The following ITGB4 variants were observed in gnomAD, a reference collection of about 807,000 sequenced individuals.
ITGB4 encodes the protein integrin beta-4.
Under a neutral mutation model 207.6 loss-of-function variants are expected in ITGB4, and 159 were observed. That is an observed-to-expected ratio of 0.77 (90% CI 0.67 to 0.87). The LOEUF is 0.87. Among genes scored for constraint, ITGB4 ranks in the 40% least tolerant of loss-of-function variants. ITGB4 has a pLI of 0.00. For synonymous variants in ITGB4, 1,020 were observed against 1,062.7 expected (o/e 0.96, Z 0.78); for missense variants, 2,278 against 2,546.8 (o/e 0.89, Z 2.27).
At position 75,750,673 on chromosome 17, in the gene ITGB4, G is replaced by A. The variant is rs1229820428; in HGVS notation, c.3475-7G>A. On this transcript the variant is annotated splice_polypyrimidine_tract_variant and splice_region_variant and intron_variant, in intron 28 of 39. Coordinates refer to ENST00000200181, the MANE Select transcript of ITGB4 (RefSeq NM_000213.5). This position sits in a 1 kb window ranked among gnomAD's most constrained non-coding sequence, Gnocchi z 5.5. ...CTGCTGACCAGGACCCCTGTCCCTG[G>A]GGGTAGGTAAAGTACTGGATTCAGG... 2 of 1,612,652 alleles carry A rather than the reference G, an allele frequency of 1.2e-6. No homozygotes were observed. The highest frequency in any genetic ancestry group is 1.7e-6 in the Non-Finnish European group (2 of 1,179,892).
intron 13 of ITGB4, among the ~76,000 whole-genome samples, chr17:75,734,835 A>G (rs964245528): frequency 6.6e-6 from 1 of 152,204 alleles, no homozygotes; most frequent in African/African-American, 2.4e-5. Flanking sequence ...GAAGGGAGGA[A>G]GGTGCCTCTG....
chr17:75,755,975 C>G, intron 35 of ITGB4, 125 bp downstream of exon 35: 6 of 1,212,348 alleles, frequency 4.9e-6, no homozygotes, highest in Non-Finnish European at 5.8e-6. Flanking sequence ...AAGCCCCCAT[C>G]CAGCCTGAGA....
chr17:75,727,450 C>A lies in ITGB4; in HGVS notation c.209C>A (p.Ala70Glu), dbSNP rs747831589. 6.2e-7 allele frequency: 1 copy of A among 1,613,966 alleles called. No individual in the cohort carries two copies. Among genetic ancestry groups the A allele is most frequent in the Admixed American group, 1.7e-5 (1 of 60,024 alleles). Residue 70 changes from alanine (A) to glutamate (E), a missense_variant, in exon 4 of 40, where the codon GCG (alanine) becomes GAG (glutamate). Ala to Glu is a moderately radical substitution (Grantham distance 107). Coordinates refer to ENST00000200181, the MANE Select transcript of ITGB4 (RefSeq NM_000213.5). The surrounding 1 kb of genome is among the most constrained non-coding windows in gnomAD (Gnocchi z 6.0). ...RCNTQAELLA[A>E]GCQRESIVVM... ...AACACCCAGGCGGAGCTGCTGGCCG[C>A]GGGCTGCCAGCGGGAGAGCATCGTG...
intron 2 of ITGB4, among the ~76,000 whole-genome samples, chr17:75,726,502 C>T (rs987893679): frequency 7.2e-5 from 11 of 151,990 alleles, no homozygotes; most frequent in Admixed American, 2.0e-4. Context: ...GAGGCTGAGG[C>T]GGGCAGATGA....
intron 34 of ITGB4, 111 bp downstream of exon 34, chr17:75,754,926 A>ACACGCATG: frequency 6.5e-7 from 1 of 1,544,506 alleles, no homozygotes; most frequent in Non-Finnish European, 8.9e-7. Flanking sequence ...CAACATACAC[A>ACACGCATG]CACGCATGCA....
Position 75,736,268 on chromosome 17 carries a change from G to T in ITGB4, c.1762-20G>T, listed in dbSNP as rs766431191. The T allele has an allele frequency of 2.5e-6, 4 of 1,608,408 alleles. No homozygotes were observed. The African/African-American group carries it at 5.3e-5, about 21-fold the overall frequency. On this transcript the variant is annotated intron_variant, in intron 14 of 39. Transcript: ENST00000200181. Reference sequence around the variant, plus strand: ...AGGGATGGGGCACAGCTGGCTCACTGGTGCCCCCTCCTACCCCAGGGCATC... The same window carrying T: ...AGGGATGGGGCACAGCTGGCTCACTTGTGCCCCCTCCTACCCCAGGGCATC...
chr17:75,752,492 G>A lies in ITGB4; in HGVS notation c.4023G>A (p.Glu1341=), dbSNP rs745840219. Residue 1341 remains glutamate, a synonymous_variant, in exon 32 of 40, where the codon GAG becomes GAA. Coordinates refer to ENST00000200181, the MANE Select transcript of ITGB4 (RefSeq NM_000213.5). ...CTATCGTGGACGCCCAGAGCGGGGA[G>A]GACTACGACAGCTTCCTTATGTACA... is the stretch of plus-strand genomic sequence containing the variant. ...DIPIVDAQSG[E]DYDSFLMYSD... is the part of the protein sequence containing the mutation. 6.2e-6 allele frequency: 10 copies of A among 1,613,584 alleles called. No homozygotes were observed. Among genetic ancestry groups the A allele is most frequent in the Non-Finnish European group, 5.9e-6 (7 of 1,180,036 alleles).
chr17:75,756,376 C>T, intron 35 of ITGB4, 53 bp from the exon 36 acceptor site: 8 of 1,595,344 alleles, frequency 5.0e-6, no homozygotes, highest in Non-Finnish European at 6.9e-6. Flanking sequence ...GAGGATCAGG[C>T]CAGGGGTGGG....
At position 75,731,150 on chromosome 17, in the gene ITGB4, T is replaced by A; in HGVS notation, c.1093-96T>A. Reference sequence around the variant, plus strand: ...GGGCCTGGCCCTGGCTCCTGCAGGCTCTGTGATACCCCGCATGATGCCAGC... The same window carrying A: ...GGGCCTGGCCCTGGCTCCTGCAGGCACTGTGATACCCCGCATGATGCCAGC... On this transcript the variant is annotated intron_variant, in intron 9 of 39. Coordinates refer to ENST00000200181, the MANE Select transcript of ITGB4 (RefSeq NM_000213.5). This position sits in a 1 kb window ranked among gnomAD's most constrained non-coding sequence, Gnocchi z 6.8. 6.3e-7 allele frequency: 1 copy of A among 1,598,592 alleles called. No homozygotes were observed. Among genetic ancestry groups the A allele is most frequent in the South Asian group, 1.1e-5 (1 of 89,436 alleles).
chr17:75,724,764 A>G lies in ITGB4; in HGVS notation c.61A>G (p.Ser21Gly). ...GCTCCTGGCAGCCTTGATCAGCGTC[A>G]GCCTCTCTGGGACCTTGGGTGAGTC... ...RLLLAALISV[S>G]LSGTLANRCK... The change falls in exon 2 of 40, where the codon AGC becomes GGC. Residue 21 changes from serine (S) to glycine (G), a missense_variant. Physicochemically the swap from Ser to Gly is moderately conservative, Grantham distance 56 (BLOSUM62 0). Coordinates refer to ENST00000200181, the MANE Select transcript of ITGB4 (RefSeq NM_000213.5). 6.2e-7 allele frequency: 1 copy of G among 1,613,756 alleles called. No individual in the cohort carries two copies. Among genetic ancestry groups the G allele is most frequent in the Admixed American group, 1.7e-5 (1 of 60,032 alleles).
chr17:75,728,820 TAAA>T (rs1179150343), intron 6 of ITGB4, among the ~76,000 whole-genome samples: 17 of 152,084 alleles, frequency 1.1e-4, no homozygotes, highest in African/African-American at 4.1e-4. Flanking sequence ...CCGTCTCTAC[TAAA>T]AATACAAAAG....
intron 25 of ITGB4, among the ~76,000 whole-genome samples, chr17:75,743,169 C>T (rs1269325901): frequency 6.6e-6 from 1 of 152,158 alleles, no homozygotes; most frequent in African/African-American, 2.4e-5. Flanking sequence ...CTGGTCCTGC[C>T]CGTGACTGGC....
chr17:75,756,655 A>T lies in ITGB4; in HGVS notation c.4897+38A>T, dbSNP rs765539033. 53 of 1,612,368 alleles carry T rather than the reference A, an allele frequency of 3.3e-5. No homozygotes were observed. In the South Asian group the frequency reaches 5.5e-4, roughly 17 times the overall value. ...CCCCAGCCCCAGAGCTGCCCCCATCATGCCCACCACCCACCCACAGGCTGA... is the reference window on the plus strand; with the variant it reads ...CCCCAGCCCCAGAGCTGCCCCCATCTTGCCCACCACCCACCCACAGGCTGA... On this transcript the variant is annotated intron_variant, in intron 36 of 39. Transcript: ENST00000200181.
At position 75,756,468 on chromosome 17, in the gene ITGB4, C is replaced by G. The variant is rs2143533520; in HGVS notation, c.4748C>G (p.Thr1583Ser). The change falls in exon 36 of 40, where the codon ACC (threonine) becomes AGC (serine). Residue 1583 changes from threonine to serine, a missense_variant. Thr to Ser is a moderately conservative substitution (Grantham distance 58). Coordinates refer to ENST00000200181, the MANE Select transcript of ITGB4 (RefSeq NM_000213.5). The part of the protein sequence containing the change: ...HRLNIPNPAQ[T>S]SVVVEDLLPN... ...CTCAACATCCCCAACCCTGCCCAGACCTCGGTGGTGGTGGAAGACCTCCTG... is the reference window on the plus strand; with the variant it reads ...CTCAACATCCCCAACCCTGCCCAGAGCTCGGTGGTGGTGGAAGACCTCCTG... 2 of 1,613,384 alleles carry G rather than the reference C, an allele frequency of 1.2e-6. No homozygotes were observed. The highest frequency in any genetic ancestry group is 1.1e-5 in the South Asian group (1 of 91,082).
chr17:75,735,335 G>A (rs936858125), intron 13 of ITGB4, among the ~76,000 whole-genome samples: 2 of 151,580 alleles, frequency 1.3e-5, no homozygotes, highest in African/African-American at 2.4e-5. Context: ...TGATCCTCCC[G>A]CCTCGGCCTC....
At chr17:75,751,891 C>G (rs1299483785) in intron 30 of ITGB4, 1 of 506,942 alleles carries the variant, frequency 2.0e-6, no homozygotes, top group Non-Finnish European at 3.6e-6. Context: ...GTGGAGGCAC[C>G]GTGGATATAT....
chr17:75,740,388 G>C lies in ITGB4; in HGVS notation c.2477G>C (p.Arg826Pro). 4 of 1,613,676 alleles carry C rather than the reference G, an allele frequency of 2.5e-6. No homozygotes were observed. Among genetic ancestry groups the C allele is most frequent in the Non-Finnish European group, 3.4e-6 (4 of 1,179,990 alleles). ...VPYGLSLRLA[R>P]LCTENLLKPD... Reference sequence around the variant, plus strand: ...TACGGGCTGTCCTTGCGCCTGGCCCGCCTTTGCACCGAGAACCTGCTGAAG... The same window carrying C: ...TACGGGCTGTCCTTGCGCCTGGCCCCCCTTTGCACCGAGAACCTGCTGAAG... The change falls in exon 21 of 40, where the codon CGC becomes CCC. Residue 826 changes from arginine (R) to proline (P), a missense_variant. Physicochemically the swap from Arg to Pro is moderately radical, Grantham distance 103 (BLOSUM62 -2). Transcript: ENST00000200181. This position sits in a 1 kb window ranked among gnomAD's most constrained non-coding sequence, Gnocchi z 5.9.
At position 75,739,671 on chromosome 17, in the gene ITGB4, G is replaced by C; in HGVS notation, c.2221-1G>C. On this transcript the variant is annotated splice_acceptor_variant, in intron 18 of 39. Transcript: ENST00000200181. LOFTEE classifies it high-confidence loss of function. This position sits in a 1 kb window ranked among gnomAD's most constrained non-coding sequence, Gnocchi z 5.4. The stretch of plus-strand genomic sequence containing the variant: ...TCACCCTCACCCACCTTGTCTCCTA[G>C]GCCTGCCTGGCACTTCTCCCGTGCT... 6.2e-7 allele frequency: 1 copy of C among 1,614,144 alleles called. No individual in the cohort carries two copies. The highest frequency in any genetic ancestry group is 8.5e-7 in the Non-Finnish European group (1 of 1,180,042).
Position 75,739,465 on chromosome 17 carries a change from C to T in ITGB4, c.2221-207C>T, listed in dbSNP as rs568519325. Among the ~76,000 whole-genome samples the T allele has an allele frequency of 1.2e-4, 18 of 152,122 alleles. No homozygotes were observed. Among genetic ancestry groups the T allele is most frequent in the Non-Finnish European group, 2.5e-4 (17 of 68,020 alleles). On this transcript the variant is annotated intron_variant, in intron 18 of 39. Coordinates refer to ENST00000200181, the MANE Select transcript of ITGB4 (RefSeq NM_000213.5). The surrounding 1 kb of genome is among the most constrained non-coding windows in gnomAD (Gnocchi z 5.4). ...AGCACCCGGCAGGATGAGAGTTCCA[C>T]GGCGCAAACTTTGGGAACCCTCTGC...
Sources: allele counts gnomAD v4.1 joint callset (sites outside exome capture counted in the v4.1 genomes callset), GRCh38; gene constraint gnomAD v4.1.1; non-coding constraint Gnocchi (gnomAD v3.1); transcripts MANE v1.5; gene names NCBI Gene and HGNC (gene_info 2026-07-23, HGNC 2026-07-21).